The following ARHGAP25 variants were observed in gnomAD, a reference collection of about 807,000 sequenced individuals.
ARHGAP25 encodes rho GTPase-activating protein 25.
Under a neutral mutation model 71.0 loss-of-function variants are expected in ARHGAP25, and 34 were observed. The observed-to-expected ratio is 0.48, with a 90% CI of 0.36 to 0.64. The LOEUF (loss-of-function observed/expected upper bound fraction) is 0.64. ARHGAP25 is among the 30% of genes least tolerant of loss of function. The probability of loss-of-function intolerance (pLI) is 0.00; values close to 1 mark genes in which losing one functional copy is unlikely to be tolerated. For synonymous variants in ARHGAP25, 282 were observed against 296.5 expected (o/e 0.95, Z 0.50); for missense variants, 706 against 805.1 (o/e 0.88, Z 1.49).
chr2:68,781,521 C>A (rs1416662260), intron 2 of ARHGAP25, among the ~76,000 whole-genome samples: 1 of 152,118 alleles, frequency 6.6e-6, no homozygotes, highest in Non-Finnish European at 1.5e-5. Context: ...TCCTACTAAA[C>A]CCTCAGACCC....
intron 4 of ARHGAP25, among the ~76,000 whole-genome samples, chr2:68,802,433 T>C (rs989582059): frequency 2.4e-5 from 3 of 126,488 alleles, no homozygotes; most frequent in Non-Finnish European, 3.4e-5. Flanking sequence ...AAAAAAAGAA[T>C]GTGCCAACCT....
rs754593320 is a variant in ARHGAP25, at chr2:68,822,613, C to T, written c.1474C>T (p.Arg492Cys). 22 of 1,614,014 alleles carry T rather than the reference C, an allele frequency of 1.4e-5. No homozygotes were observed. The highest frequency in any genetic ancestry group is 4.5e-5 in the East Asian group (2 of 44,902). ...CAGGAGAACGATGTCTCAAGACTTG[C>T]GCCAACTTTCTGACTCCCAACGGAC... ...GHRRTMSQDL[R>C]QLSDSQRTST... The change falls in exon 10 of 11, where the codon CGC (arginine) becomes TGC (cysteine). Residue 492 changes from arginine to cysteine, a missense_variant. By Grantham distance (180) the Arg-to-Cys change is radical (BLOSUM62 -3). Coordinates refer to ENST00000409202, the MANE Select transcript of ARHGAP25 (RefSeq NM_001007231.3).
intron 4 of ARHGAP25, among the ~76,000 whole-genome samples, chr2:68,789,323 C>A (rs1451903975): frequency 6.6e-6 from 1 of 152,196 alleles, no homozygotes; most frequent in East Asian, 1.9e-4. Flanking sequence ...CAGGCGTGAG[C>A]CACCGTGCCC....
At chr2:68,735,342 A>G in intron 1 of ARHGAP25, 82 bp downstream of exon 1, 1 of 1,407,940 alleles carries the variant, frequency 7.1e-7, no homozygotes, top group Admixed American at 1.7e-5. Flanking sequence ...CAGGGAGCAT[A>G]GTCTACTTAA....
intron 1 of ARHGAP25, among the ~76,000 whole-genome samples, chr2:68,771,555 T>G (rs35802033): frequency 6.6e-6 from 1 of 152,040 alleles, no homozygotes; most frequent in Non-Finnish European, 1.5e-5. Flanking sequence ...GCCCCCAGAC[T>G]TTCTTCTCTG....
chr2:68,776,462 C>T (rs1459559897), intron 2 of ARHGAP25, among the ~76,000 whole-genome samples: 2 of 152,142 alleles, frequency 1.3e-5, no homozygotes, highest in Non-Finnish European at 2.9e-5. Flanking sequence ...TGTTTAGGGG[C>T]TCAGTAGGAG....
intron 3 of ARHGAP25, among the ~76,000 whole-genome samples, chr2:68,785,146 G>T (rs1678657619): frequency 6.6e-6 from 1 of 152,140 alleles, no homozygotes; most frequent in African/African-American, 2.4e-5. Flanking sequence ...CTCAGGGGTG[G>T]GCACAGATTT....
At chr2:68,822,041 C>T (rs1279507432) in intron 9 of ARHGAP25, among the ~76,000 whole-genome samples, 1 of 149,422 alleles carries the variant, frequency 6.7e-6, no homozygotes, top group Non-Finnish European at 1.5e-5. Flanking sequence ...TCTGGGTTTT[C>T]AGTCATAGTT....
At chr2:68,808,211 G>A (rs747006300) in intron 5 of ARHGAP25, among the ~76,000 whole-genome samples, 12 of 152,218 alleles carry the variant, frequency 7.9e-5, no homozygotes, top group African/African-American at 2.6e-4. Context: ...AGTTGCCTGC[G>A]TGAACTTGTC....
chr2:68,734,650 CA>C (rs1466094891), upstream of ARHGAP25, among the ~76,000 whole-genome samples: 2 of 152,196 alleles, frequency 1.3e-5, no homozygotes, highest in African/African-American at 4.8e-5. Context: ...ATAACAGAAG[CA>C]ACCATTCTGG....
At chr2:68,713,895 T>C (rs1674548732) in intron 2 of ARHGAP25, among the ~76,000 whole-genome samples, 1 of 152,218 alleles carries the variant, frequency 6.6e-6, no homozygotes, top group South Asian at 2.1e-4. Flanking sequence ...GCTACTATTT[T>C]ATTGAGGATT....
At chr2:68,738,510 T>C (rs540643694) in intron 1 of ARHGAP25, among the ~76,000 whole-genome samples, 1 of 152,284 alleles carries the variant, frequency 6.6e-6, no homozygotes, top group Admixed American at 6.5e-5. Context: ...ACTTACTATA[T>C]GCTAACCAGA....
At chr2:68,805,265 C>T (rs1017022683) in intron 4 of ARHGAP25, among the ~76,000 whole-genome samples, 32 of 152,224 alleles carry the variant, frequency 2.1e-4, no homozygotes, top group Admixed American at 1.9e-3. Context: ...GCCAGGAAAG[C>T]AGGTGGGTGC....
intron 1 of ARHGAP25, among the ~76,000 whole-genome samples, chr2:68,743,407 G>A (rs527504803): frequency 6.6e-6 from 1 of 152,248 alleles, no homozygotes; most frequent in African/African-American, 2.4e-5. Flanking sequence ...TTCTCTTTCA[G>A]ATCATTATTT....
At chr2:68,790,007 G>A (rs1032634834) in intron 4 of ARHGAP25, among the ~76,000 whole-genome samples, 1 of 151,714 alleles carries the variant, frequency 6.6e-6, no homozygotes, top group African/African-American at 2.4e-5. Context: ...TTATTATTTT[G>A]AGATGGAGTC....
intron 4 of ARHGAP25, among the ~76,000 whole-genome samples, chr2:68,800,480 T>C (rs1253885108): frequency 1.3e-5 from 2 of 152,004 alleles, no homozygotes; most frequent in South Asian, 2.1e-4. Context: ...CTGTGGTTGT[T>C]CAGGATGGGG....
intron 1 of ARHGAP25, among the ~76,000 whole-genome samples, chr2:68,738,565 A>G (rs79311388): frequency 0.012 from 1,879 of 152,192 alleles, 36 homozygotes; most frequent in African/African-American, 0.043. Flanking sequence ...GCTGTGCCCA[A>G]AGTATTTGCT....
chr2:68,775,659 TGAGTC>T (rs1022422116), intron 2 of ARHGAP25: 1 of 667,100 alleles, frequency 1.5e-6, no homozygotes, highest in Non-Finnish European at 2.7e-6. Flanking sequence ...CACATGGCTC[TGAGTC>T]AAGACTGGCA....
rs533809269 is a variant in ARHGAP25 at position 68,771,001 on chromosome 2, T to C, written c.62-4220T>C. 1.1e-4 allele frequency among the ~76,000 whole-genome samples: 16 copies of C among 151,702 alleles called. No individual in the cohort carries two copies. In the South Asian group the frequency reaches 3.1e-3, roughly 29 times the overall value. On this transcript the variant is annotated intron_variant, in intron 1 of 10. Coordinates refer to ENST00000409202, the MANE Select transcript of ARHGAP25 (RefSeq NM_001007231.3). Reference sequence around the variant, plus strand: ...GAAATGTTCTCTATCTGTTGTCCAGTACTGTAGCCACGAAACACACAGGCT... The same window carrying C: ...GAAATGTTCTCTATCTGTTGTCCAGCACTGTAGCCACGAAACACACAGGCT...
Sources: gnomAD v4.1 joint callset for allele counts (sites outside exome capture counted in the v4.1 genomes callset) on GRCh38, gnomAD v4.1.1 for gene constraint, MANE v1.5 for transcripts, NCBI Gene and HGNC (gene_info 2026-07-23, HGNC 2026-07-21) for gene names.